The following ALG8 variants were observed in gnomAD, a reference collection of about 807,000 sequenced individuals.
ALG8 encodes the protein ALG8 alpha-1,3-glucosyltransferase.
A neutral mutation model predicts 70.2 loss-of-function variants in ALG8; 48 were observed. The ratio of observed to expected loss-of-function variants is 0.68; its 90% confidence interval spans 0.54 to 0.87. The LOEUF (loss-of-function observed/expected upper bound fraction) is 0.87, where lower values mean the gene tolerates loss of function less well. ALG8 is among the 40% of genes least tolerant of loss of function. The pLI is 0.00. For missense variants in ALG8, 572 were observed against 608.7 expected, an observed-to-expected ratio of 0.94 and a Z score of 0.64; for synonymous variants, 234 against 229.0, an observed-to-expected ratio of 1.02 and a Z score of -0.20.
chr11:78,112,572 C>CA, intron 8 of ALG8, 78 bp downstream of exon 8: 6 of 1,593,540 alleles, frequency 3.8e-6, no homozygotes, highest in Non-Finnish European at 5.1e-6. Flanking sequence ...ATTCAAAACA[C>CA]AAAGGTTTTT....
intron 10 of ALG8, 36 bp from the exon 11 acceptor site, chr11:78,104,489 T>C: frequency 6.5e-7 from 1 of 1,527,154 alleles, no homozygotes; most frequent in East Asian, 2.4e-5. Flanking sequence ...ACAACAACTG[T>C]TATTACACTT....
At chr11:78,135,705 G>A (rs1397341856) in intron 1 of ALG8, among the ~76,000 whole-genome samples, 1 of 151,992 alleles carries the variant, frequency 6.6e-6, no homozygotes, top group Non-Finnish European at 1.5e-5. Context: ...AAAATTAGCA[G>A]GGCATGATGG....
chr11:78,101,364 C>T (rs1325955044), intron 12 of ALG8, among the ~76,000 whole-genome samples, 169 bp from the exon 13 acceptor site: 1 of 152,198 alleles, frequency 6.6e-6, no homozygotes, highest in Non-Finnish European at 1.5e-5. Context: ...TGCAGAGGCT[C>T]ATGCCTGTAA....
chr11:78,113,734 A>T (rs997043439), intron 7 of ALG8, 152 bp downstream of exon 7: 5 of 618,846 alleles, frequency 8.1e-6, no homozygotes, highest in African/African-American at 1.9e-5. Context: ...AAAAAAAAAA[A>T]GGAATACTGC....
intron 3 of ALG8, among the ~76,000 whole-genome samples, chr11:78,123,177 G>T (rs1033668116): frequency 3.3e-5 from 5 of 151,942 alleles, no homozygotes; most frequent in Admixed American, 3.3e-4. Flanking sequence ...ATGGTGGTGT[G>T]CACCTGTAAT....
intron 1 of ALG8, chr11:78,135,476 C>T (rs1311528402): frequency 1.3e-5 from 2 of 151,882 alleles, no homozygotes; most frequent in African/African-American, 4.8e-5. Flanking sequence ...CTTTGGGAGG[C>T]AAAGGTAGGA....
chr11:78,113,717 AAAAAC>A lies in ALG8; in HGVS notation c.777+164_777+168del, dbSNP rs371530185. Among the ~76,000 whole-genome samples, 30,612 of 72,594 alleles carry A rather than the reference AAAAAC, an allele frequency of 0.42. 4,250 individuals carry two copies. Among genetic ancestry groups the A allele is most frequent in the African/African-American group, 0.59 (14,253 of 24,306 alleles). The allele number at this position is 72,594 out of a possible 152,430, so 47.6% of individuals were successfully genotyped here. A position where few individuals can be genotyped will look rare whatever the true frequency, so the allele number is the denominator to read the frequency against. On this transcript the variant is annotated intron_variant, in intron 7 of 12. Coordinates refer to ENST00000299626, the MANE Select transcript of ALG8 (RefSeq NM_024079.5). ...GACACAGTGAGACTCCATCTTAAAC[AAAAAC>A]AAAAAAAAAAAAGGAATACTGCCCT...
chr11:78,131,641 T>C (rs1257091231), intron 1 of ALG8, among the ~76,000 whole-genome samples: 1 of 152,172 alleles, frequency 6.6e-6, no homozygotes, highest in Non-Finnish European at 1.5e-5. Context: ...ATTCTTTGTA[T>C]TTTTTGTAGA....
At chr11:78,113,706 C>T (rs1393118120) in intron 7 of ALG8, among the ~76,000 whole-genome samples, 180 bp downstream of exon 7, 12 of 101,766 alleles carry the variant, frequency 1.2e-4, no homozygotes, top group African/African-American at 3.9e-4. Context: ...CAGTGAGACT[C>T]CATCTTAAAC....
chr11:78,121,999 C>T (rs1198509844), intron 3 of ALG8, among the ~76,000 whole-genome samples: 1 of 152,120 alleles, frequency 6.6e-6, no homozygotes, highest in Non-Finnish European at 1.5e-5. Flanking sequence ...CTAACATACA[C>T]CAAAATGTTA....
At chr11:78,120,820 T>C (rs1860788531) in intron 4 of ALG8, among the ~76,000 whole-genome samples, 1 of 152,190 alleles carries the variant, frequency 6.6e-6, no homozygotes, top group African/African-American at 2.4e-5. Context: ...ACAATCTCAG[T>C]ACATTGTTTT....
rs1197208427 is a variant in ALG8 at position 78,114,328 on chromosome 11, T to C, written c.611A>G (p.Tyr204Cys). ...ATATACACCATAAGCTGGTGCTACA[T>C]AGAGGTAGATATGCTTGAAATGTAG... ...VLLHFKHIYL[Y>C]VAPAYGVYLL... The change falls in exon 6 of 13, where the codon TAT becomes TGT. Residue 204 changes from tyrosine (Y) to cysteine (C), a missense_variant. Tyr to Cys is a radical substitution (Grantham distance 194). Coordinates refer to ENST00000299626, the MANE Select transcript of ALG8 (RefSeq NM_024079.5). The C allele has an allele frequency of 6.2e-7, 1 of 1,614,072 alleles. No homozygotes were observed. The highest frequency in any genetic ancestry group is 1.1e-5 in the South Asian group (1 of 91,080).
intron 12 of ALG8, among the ~76,000 whole-genome samples, chr11:78,102,171 C>T (rs1859825526): frequency 6.6e-6 from 1 of 152,088 alleles, no homozygotes; most frequent in South Asian, 2.1e-4. Flanking sequence ...CGCCACTATC[C>T]ACCTTCAAAA....
chr11:78,118,390 C>G (rs924227366), intron 5 of ALG8, among the ~76,000 whole-genome samples: 1 of 149,760 alleles, frequency 6.7e-6, no homozygotes, highest in Non-Finnish European at 1.5e-5. Flanking sequence ...CTGAGGCGGG[C>G]GGAACACTTG....
At chr11:78,104,157 T>A (rs1019163924) in intron 11 of ALG8, 105 bp from the exon 12 acceptor site, 6 of 907,774 alleles carry the variant, frequency 6.6e-6, no homozygotes, top group African/African-American at 1.7e-5. Context: ...GTGCTAATAA[T>A]ACTTTTTAAG....
At chr11:78,102,968 A>C (rs1859862779) in intron 12 of ALG8, 2 of 159,718 alleles carry the variant, frequency 1.3e-5, no homozygotes, top group Non-Finnish European at 2.7e-5. Context: ...AAAAAAAAAA[A>C]ATTATAGTTA....
chr11:78,128,281 C>T (rs1378903434), intron 1 of ALG8, among the ~76,000 whole-genome samples: 1 of 152,218 alleles, frequency 6.6e-6, no homozygotes, highest in African/African-American at 2.4e-5. Flanking sequence ...ACCTCCCCTC[C>T]ACATTTAGAA....
chr11:78,134,121 G>A (rs977650311), intron 1 of ALG8, among the ~76,000 whole-genome samples: 3 of 151,660 alleles, frequency 2.0e-5, no homozygotes, highest in Admixed American at 6.6e-5. Flanking sequence ...GAAGATTGGG[G>A]TGACTTGTGG....
At chr11:78,120,236 C>G (rs1362146145) in intron 4 of ALG8, among the ~76,000 whole-genome samples, 4 of 152,064 alleles carry the variant, frequency 2.6e-5, no homozygotes. Context: ...CCAGGTTTTT[C>G]CTACCTTTTC....
Sources: gnomAD v4.1 joint callset for allele counts (sites outside exome capture counted in the v4.1 genomes callset) on GRCh38, gnomAD v4.1.1 for gene constraint, MANE v1.5 for transcripts, NCBI Gene and HGNC (gene_info 2026-07-23, HGNC 2026-07-21) for gene names.